Variants in DECR2 observed in about 807,000 individuals in gnomAD.
The protein encoded by DECR2 is peroxisomal 2,4-dienoyl-CoA reductase [(3E)-enoyl-CoA-producing].
A neutral mutation model predicts 29.2 loss-of-function variants in DECR2; 34 were observed. The observed-to-expected ratio is 1.16, with a 90% CI of 0.89 to 1.55. The LOEUF (loss-of-function observed/expected upper bound fraction) is 1.55. Among genes scored for constraint, DECR2 ranks in the 40% most tolerant of loss-of-function variants. The pLI, the probability that DECR2 is intolerant of heterozygous loss-of-function variation, is 0.00. For synonymous variants in DECR2, 224 were observed against 182.7 expected (o/e 1.23, Z -1.82); for missense variants, 485 against 425.3 (o/e 1.14, Z -1.23).
At chr16:402,179 C>A (rs1304187030) in intron 1 of DECR2, 136 bp downstream of exon 1, 3 of 545,582 alleles carry the variant, frequency 5.5e-6, no homozygotes, top group Non-Finnish European at 8.2e-6. Context: ...TTTTTTCTTT[C>A]TTTTTTTTTT....
At position 405,014 on chromosome 16, in the gene DECR2, A is replaced by AT; in HGVS notation, c.143dup (p.Met49HisfsTer12). The stretch of plus-strand genomic sequence containing the variant: ...TGGGATTGGGTTCCGGATTGCTGAG[A>AT]TTTTCATGCGGTGAGACTGCTCTGT... On this transcript the variant is annotated frameshift_variant, in exon 2 of 9. Coordinates refer to ENST00000219481, the MANE Select transcript of DECR2 (RefSeq NM_020664.4). LOFTEE classifies it high-confidence loss of function. 1 of 1,613,980 alleles carries AT rather than the reference A, an allele frequency of 6.2e-7. No individual in the cohort carries two copies. Among genetic ancestry groups the AT allele is most frequent in the Non-Finnish European group, 8.5e-7 (1 of 1,179,948 alleles).
chr16:407,631 T>G, intron 4 of DECR2, 71 bp downstream of exon 4: 3 of 1,588,108 alleles, frequency 1.9e-6, no homozygotes, highest in Non-Finnish European at 2.6e-6. Flanking sequence ...CCTAGAACTC[T>G]GGTCATGGGG....
In DECR2 at chr16:410,537, C is replaced by T; in HGVS notation, c.463-154C>T. On this transcript the variant is annotated intron_variant, in intron 5 of 8. Coordinates refer to ENST00000219481, the MANE Select transcript of DECR2 (RefSeq NM_020664.4). This position sits in a 1 kb window ranked among gnomAD's most constrained non-coding sequence, Gnocchi z 4.1. ...CGGCCGCCCGCTCCCTGCCCTGGGC[C>T]TCCCCATGACGGCCGCCCGCTCCCT... is the stretch of plus-strand genomic sequence containing the variant. 4 of 1,351,958 alleles carry T rather than the reference C, an allele frequency of 3.0e-6. No individual in the cohort carries two copies. The highest frequency in any genetic ancestry group is 4.8e-5 in the East Asian group (2 of 41,632). 83.7% of individuals were successfully genotyped at this position (1,351,958 alleles called of 1,614,324 possible).
chr16:410,931 G>C lies in DECR2; in HGVS notation c.557-41G>C, dbSNP rs1476801220. The C allele has an allele frequency of 6.4e-7, 1 of 1,559,856 alleles. No individual in the cohort carries two copies. The highest frequency in any genetic ancestry group is 8.7e-7 in the Non-Finnish European group (1 of 1,151,910). Reference sequence around the variant, plus strand: ...GGCCTTGGCCCTGCGCCCTCGCAGAGGGCAGAGCGGCCCTTTCATATCCAA... The same window carrying C: ...GGCCTTGGCCCTGCGCCCTCGCAGACGGCAGAGCGGCCCTTTCATATCCAA... On this transcript the variant is annotated intron_variant, in intron 6 of 8. Transcript: ENST00000219481. The surrounding 1 kb of genome is among the most constrained non-coding windows in gnomAD (Gnocchi z 4.1).
Position 410,602 on chromosome 16 carries a change from C to A in DECR2, c.463-89C>A, listed in dbSNP as rs369241969. 22 of 1,144,476 alleles carry A rather than the reference C, an allele frequency of 1.9e-5. No homozygotes were observed. Among genetic ancestry groups the A allele is most frequent in the Admixed American group, 2.5e-5 (1 of 39,900 alleles). The allele number at this position is 1,144,476 out of a possible 1,614,324, so 70.9% of individuals were successfully genotyped here. On this transcript the variant is annotated intron_variant, in intron 5 of 8. Coordinates refer to ENST00000219481, the MANE Select transcript of DECR2 (RefSeq NM_020664.4). The surrounding 1 kb of genome is among the most constrained non-coding windows in gnomAD (Gnocchi z 4.1). ...CCTGACGGCCGCCCGCTCCCTGCCC[C>A]GGGCCTCCCCCTGACAGCCACCCGC... is the stretch of plus-strand genomic sequence containing the variant.
At chr16:409,079 G>A (rs186300431) in intron 4 of DECR2, among the ~76,000 whole-genome samples, 81 of 152,268 alleles carry the variant, frequency 5.3e-4, no homozygotes, top group African/African-American at 1.6e-3. Flanking sequence ...TGATCCGCCC[G>A]CCTTGGCTTC....
rs202160157 is a variant in DECR2 at position 410,926 on chromosome 16, G to A, written c.557-46G>A. ...GACCTGGCCTTGGCCCTGCGCCCTC[G>A]CAGAGGGCAGAGCGGCCCTTTCATA... On this transcript the variant is annotated intron_variant, in intron 6 of 8. Transcript: ENST00000219481. This position sits in a 1 kb window ranked among gnomAD's most constrained non-coding sequence, Gnocchi z 4.1. 1.8e-5 allele frequency: 28 copies of A among 1,550,374 alleles called. No homozygotes were observed. Among genetic ancestry groups the A allele is most frequent in the African/African-American group, 1.1e-4 (8 of 73,442 alleles).
chr16:402,347 T>C (rs1172565261), intron 1 of DECR2, among the ~76,000 whole-genome samples: 1 of 151,952 alleles, frequency 6.6e-6, no homozygotes, highest in Admixed American at 6.5e-5. Context: ...TTGGTCAGGC[T>C]CTTTTCGAAC....
intron 2 of DECR2, chr16:405,401 G>A (rs934103888): frequency 1.6e-6 from 1 of 642,970 alleles, no homozygotes; most frequent in Non-Finnish European, 2.3e-6. Flanking sequence ...GTTAGGCTGG[G>A]GTGGGGGAAA....
chr16:411,852 C>G (rs1046535774), intron 8 of DECR2, 38 bp from the exon 9 acceptor site: 2 of 436,474 alleles, frequency 4.6e-6, no homozygotes, highest in Non-Finnish European at 8.1e-6. Context: ...AGGGGGAAGC[C>G]GTCCTCAGCC....
In DECR2 at chr16:402,036, C is replaced by T; in HGVS notation, c.73C>T (p.Leu25=). ...PAYRHLFCPD[L]LRDKVAFITG... is the part of the protein sequence containing the mutation. ...GTACCGCCACCTCTTCTGCCCGGAC[C>T]TGCTGCGGTGAGCGGGGCCTGGGAA... Residue 25 remains leucine (L), a synonymous_variant, in exon 1 of 9, where the codon CTG becomes TTG. Coordinates refer to ENST00000219481, the MANE Select transcript of DECR2 (RefSeq NM_020664.4). 6 of 1,451,464 alleles carry T rather than the reference C, an allele frequency of 4.1e-6. No homozygotes were observed. Among genetic ancestry groups the T allele is most frequent in the Non-Finnish European group, 5.4e-6 (6 of 1,104,748 alleles). The allele number at this position is 1,451,464 out of a possible 1,614,324, so 89.9% of individuals were successfully genotyped here. A position where few individuals can be genotyped will look rare whatever the true frequency, so the allele number is the denominator to read the frequency against.
rs1303388824 is a variant in DECR2 at position 410,264 on chromosome 16, G to A, written c.359G>A (p.Cys120Tyr). The change falls in exon 5 of 9, where the codon TGC (cysteine) becomes TAC (tyrosine). Residue 120 changes from cysteine (C) to tyrosine (Y), a missense_variant. Cys to Tyr is a radical substitution (Grantham distance 194, BLOSUM62 -2). Coordinates refer to ENST00000219481, the MANE Select transcript of DECR2 (RefSeq NM_020664.4). This position sits in a 1 kb window ranked among gnomAD's most constrained non-coding sequence, Gnocchi z 4.1. ...LINCAAGNFL[C>Y]PAGALSFNAF... ...GCAGGTGCGGCCGGGAACTTCCTGT[G>A]CCCCGCTGGCGCCTTGTCCTTCAAC... 5.0e-6 allele frequency: 8 copies of A among 1,613,278 alleles called. No individual in the cohort carries two copies. The highest frequency in any genetic ancestry group is 6.8e-6 in the Non-Finnish European group (8 of 1,179,766).
intron 4 of DECR2, among the ~76,000 whole-genome samples, chr16:408,908 A>G (rs1415052730): frequency 6.7e-6 from 1 of 149,788 alleles, no homozygotes; most frequent in East Asian, 2.0e-4. Flanking sequence ...CTCAGCTTAC[A>G]GCACCCTCCG....
Position 410,916 on chromosome 16 carries a change from C to T in DECR2, c.557-56C>T. 2 of 1,545,734 alleles carry T rather than the reference C, an allele frequency of 1.3e-6. No individual in the cohort carries two copies. Among genetic ancestry groups the T allele is most frequent in the Admixed American group, 2.0e-5 (1 of 50,440 alleles). ...CAGGCAGCGAGACCTGGCCTTGGCC[C>T]TGCGCCCTCGCAGAGGGCAGAGCGG... On this transcript the variant is annotated intron_variant, in intron 6 of 8. Coordinates refer to ENST00000219481, the MANE Select transcript of DECR2 (RefSeq NM_020664.4). This position sits in a 1 kb window ranked among gnomAD's most constrained non-coding sequence, Gnocchi z 4.1.
At position 407,527 on chromosome 16, in the gene DECR2, AAGG is replaced by A; in HGVS notation, c.307_309del (p.Glu103del). The A allele has an allele frequency of 6.2e-7, 1 of 1,613,958 alleles. No homozygotes were observed. Among genetic ancestry groups the A allele is most frequent in the East Asian group, 2.2e-5 (1 of 44,880 alleles). On this transcript the variant is annotated inframe_deletion, in exon 4 of 9. Coordinates refer to ENST00000219481, the MANE Select transcript of DECR2 (RefSeq NM_020664.4). ...CATGGCCGCCGTGGACCAGGCTCTG[AAGG>A]AGTTTGGCAGAATCGACATTCTCAT... is the stretch of plus-strand genomic sequence containing the variant.
chr16:410,396 T>C lies in DECR2; in HGVS notation c.462+29T>C, dbSNP rs2054797666. 1 of 1,593,814 alleles carries C rather than the reference T, an allele frequency of 6.3e-7. No individual in the cohort carries two copies. Among genetic ancestry groups the C allele is most frequent in the Admixed American group, 1.7e-5 (1 of 59,618 alleles). On this transcript the variant is annotated intron_variant, in intron 5 of 8. Transcript: ENST00000219481. This position sits in a 1 kb window ranked among gnomAD's most constrained non-coding sequence, Gnocchi z 4.1. ...GGTGCCTCGTGCGCTCTGTGAGAAG[T>C]TCTTCCGGGTGGGTGCCTCGTGCGC...
At chr16:411,244 G>C (rs2054815285) in intron 7 of DECR2, 117 bp from the exon 8 acceptor site, 4 of 1,216,310 alleles carry the variant, frequency 3.3e-6, no homozygotes, top group Non-Finnish European at 4.5e-6. Flanking sequence ...GCTAGGCCTT[G>C]GTGACACTGA....
rs1194078944 is a variant in DECR2, at chr16:407,957, G to C, written c.337+397G>C. On this transcript the variant is annotated intron_variant, in intron 4 of 8. Coordinates refer to ENST00000219481, the MANE Select transcript of DECR2 (RefSeq NM_020664.4). ...CCTGTCTCCGGGCCCCTGTCTCCAG[G>C]CCTCTGTCTCCGGCCCCCTGTCTCC... is the stretch of plus-strand genomic sequence containing the variant. 9.2e-5 allele frequency among the ~76,000 whole-genome samples: 5 copies of C among 54,344 alleles called. 1 individual carries two copies. Among genetic ancestry groups the C allele is most frequent in the African/African-American group, 3.4e-4 (4 of 11,786 alleles). 35.7% of individuals were successfully genotyped at this position (54,344 alleles called of 152,430 possible). A position where few individuals can be genotyped will look rare whatever the true frequency, so the allele number is the denominator to read the frequency against.
At position 410,814 on chromosome 16, in the gene DECR2, C is replaced by T; in HGVS notation, c.556+30C>T. Reference sequence around the variant, plus strand: ...GACCACCCCCCCCCGCCCAGGTTTGCCCACGTGGGTCCCCAATGGGCCGTC... The same window carrying T: ...GACCACCCCCCCCCGCCCAGGTTTGTCCACGTGGGTCCCCAATGGGCCGTC... On this transcript the variant is annotated intron_variant, in intron 6 of 8. Coordinates refer to ENST00000219481, the MANE Select transcript of DECR2 (RefSeq NM_020664.4). This position sits in a 1 kb window ranked among gnomAD's most constrained non-coding sequence, Gnocchi z 4.1. 2 of 1,543,002 alleles carry T rather than the reference C, an allele frequency of 1.3e-6. No individual in the cohort carries two copies. Among genetic ancestry groups the T allele is most frequent in the African/African-American group, 1.4e-5 (1 of 73,338 alleles).
Sources: allele counts gnomAD v4.1 joint callset (sites outside exome capture counted in the v4.1 genomes callset), GRCh38; gene constraint gnomAD v4.1.1; non-coding constraint Gnocchi (gnomAD v3.1); transcripts MANE v1.5; gene names NCBI Gene and HGNC (gene_info 2026-07-23, HGNC 2026-07-21).